The following CSPG4 variants were observed in gnomAD, a reference collection of about 807,000 sequenced individuals.
CSPG4 encodes chondroitin sulfate proteoglycan 4 (melanoma-associated).
Under a neutral mutation model 139.3 loss-of-function variants are expected in CSPG4, and 74 were observed. That is an observed-to-expected ratio of 0.53 (90% CI 0.44 to 0.64). CSPG4 has a LOEUF of 0.64. Among genes scored for constraint, CSPG4 ranks in the 30% least tolerant of loss-of-function variants. CSPG4 has a pLI of 0.00. For synonymous variants in CSPG4, 1,234 were observed against 1,394.2 expected (o/e 0.89, Z 2.56); for missense variants, 2,565 against 3,148.3 (o/e 0.81, Z 4.43).
chr15:75,676,203 C>T lies in CSPG4; in HGVS notation c.6316G>A (p.Gly2106Ser). ...RVPRARTEPG[G>S]SQLVEQFTQQ... ...GTGAACTGCTCCACCAGCTGGCTGC[C>T]CCCGGGCTCCGTCCTGGCTCGGGGC... is the stretch of plus-strand genomic sequence containing the variant. Residue 2106 changes from glycine to serine, a missense_variant, in exon 10 of 10, where the codon GGC becomes AGC. Transcript: ENST00000308508. The T allele has an allele frequency of 1.3e-6, 2 of 1,550,992 alleles. No individual in the cohort carries two copies. Among genetic ancestry groups the T allele is most frequent in the East Asian group, 4.8e-5 (2 of 41,730 alleles).
In CSPG4 at chr15:75,690,265, C is replaced by T. The variant is rs144018509; in HGVS notation, c.800G>A (p.Gly267Asp). The T allele has an allele frequency of 2.8e-5, 45 of 1,613,256 alleles. No homozygotes were observed. The African/African-American group carries it at 5.7e-4, about 21-fold the overall frequency. Residue 267 changes from glycine (G) to aspartate (D), a missense_variant, in exon 3 of 10, where the codon GGC (glycine) becomes GAC (aspartate). This residue lies in a region of CSPG4 where 2,316 missense variants were observed against 2,818.2 expected (regional missense o/e 0.82). Transcript: ENST00000308508. ...EGHLRAVVEK[G>D]QGTVLLHNSV... Reference sequence around the variant, plus strand: ...GTTGTGGAGCAATACGGTACCCTGGCCCTTCTCCACCACGGCCCGCAGGTG... The same window carrying T: ...GTTGTGGAGCAATACGGTACCCTGGTCCTTCTCCACCACGGCCCGCAGGTG...
At chr15:75,712,609 C>T (rs1894460662) in intron 1 of CSPG4, 59 bp downstream of exon 1, 4 of 1,492,346 alleles carry the variant, frequency 2.7e-6, no homozygotes, top group African/African-American at 1.4e-5. Flanking sequence ...CCTTTTCCCT[C>T]CCGGAGGAAC....
In CSPG4 at chr15:75,693,240, G is replaced by T. The variant is rs1479656180; in HGVS notation, c.89-7C>A. ...TTCTCACCGAAGAAGGAAGCTGTGTGAGAGAGGGAGCTGTGGTCAAGGCTC... is the reference window on the plus strand; with the variant it reads ...TTCTCACCGAAGAAGGAAGCTGTGTTAGAGAGGGAGCTGTGGTCAAGGCTC... On this transcript the variant is annotated splice_polypyrimidine_tract_variant and splice_region_variant and intron_variant, in intron 1 of 9. Transcript: ENST00000308508. The T allele has an allele frequency of 1.3e-6, 2 of 1,582,592 alleles. No individual in the cohort carries two copies. The highest frequency in any genetic ancestry group is 1.7e-6 in the Non-Finnish European group (2 of 1,164,134).
Position 75,696,894 on chromosome 15 carries a change from G to C in CSPG4, c.89-3661C>G, listed in dbSNP as rs1249672463. ...TCCCCAGCAAGCCCCCTCTGTCAGGGCAAGGGCTGCGCTGGCATCTCCGGG... is the reference window on the plus strand; with the variant it reads ...TCCCCAGCAAGCCCCCTCTGTCAGGCCAAGGGCTGCGCTGGCATCTCCGGG... On this transcript the variant is annotated intron_variant, in intron 1 of 9. Transcript: ENST00000308508. This position sits in a 1 kb window ranked among gnomAD's most constrained non-coding sequence, Gnocchi z 4.2. Among the ~76,000 whole-genome samples, 1 of 152,210 alleles carries C rather than the reference G, an allele frequency of 6.6e-6. No individual in the cohort carries two copies. Among genetic ancestry groups the C allele is most frequent in the African/African-American group, 2.4e-5 (1 of 41,460 alleles).
chr15:75,679,986 A>G (rs1893951000), intron 8 of CSPG4: 2 of 152,228 alleles, frequency 1.3e-5, no homozygotes, highest in Non-Finnish European at 2.9e-5. Flanking sequence ...GCCCGGCCTT[A>G]TTTTCCCCTT....
chr15:75,688,965 C>T lies in CSPG4; in HGVS notation c.2100G>A (p.Leu700=). The change falls in exon 3 of 10, where the codon CTG becomes CTA. Residue 700 remains leucine, a synonymous_variant. Coordinates refer to ENST00000308508, the MANE Select transcript of CSPG4 (RefSeq NM_001897.5). Reference sequence around the variant, plus strand: ...ACTGCAGGGCCCCAGTGACGCGGAACAGCACGCTCACATCCTGCCCCACGG... The same window carrying T: ...ACTGCAGGGCCCCAGTGACGCGGAATAGCACGCTCACATCCTGCCCCACGG... ...TNAVGQDVSV[L]FRVTGALQFG... 6.2e-7 allele frequency: 1 copy of T among 1,612,570 alleles called. No individual in the cohort carries two copies. The highest frequency in any genetic ancestry group is 8.5e-7 in the Non-Finnish European group (1 of 1,180,028).
chr15:75,692,050 C>T lies in CSPG4; in HGVS notation c.252+1020G>A, dbSNP rs1479077192. Among the ~76,000 whole-genome samples the T allele has an allele frequency of 7.9e-5, 12 of 152,168 alleles. No homozygotes were observed. In the East Asian group the frequency reaches 9.6e-4, roughly 12 times the overall value. ...AGGCTGAAGTGCAATGGTGCGGTCT[C>T]GGCTCACTGCAACCTCCTTCTCCTG... On this transcript the variant is annotated intron_variant, in intron 2 of 9. Coordinates refer to ENST00000308508, the MANE Select transcript of CSPG4 (RefSeq NM_001897.5).
At chr15:75,678,899 G>T (rs1457247822) in intron 8 of CSPG4, 1 of 405,622 alleles carries the variant, frequency 2.5e-6, no homozygotes, top group South Asian at 1.8e-5. Context: ...CACTGGTGCC[G>T]CCAAGCAACC....
intron 1 of CSPG4, among the ~76,000 whole-genome samples, chr15:75,694,681 T>G (rs1894204574): frequency 6.6e-6 from 1 of 152,224 alleles, no homozygotes; most frequent in African/African-American, 2.4e-5. Flanking sequence ...TGGGCTGAGT[T>G]AAATCCCCTC....
chr15:75,684,795 C>T lies in CSPG4; in HGVS notation c.4390G>A (p.Val1464Ile), dbSNP rs1354023581. Residue 1464 changes from valine to isoleucine, a missense_variant, in exon 5 of 10, where the codon GTC (valine) becomes ATC (isoleucine). Around this residue, in one of 5 missense-constraint regions of CSPG4, gnomAD observed 2,316 missense variants for 2,818.2 expected, o/e 0.82. Coordinates refer to ENST00000308508, the MANE Select transcript of CSPG4 (RefSeq NM_001897.5). Reference sequence around the variant, plus strand: ...TGGTCATTGACAGGCAGGACAGTGACAGTGAAGGCCACAGGATGGCTCTGG... The same window carrying T: ...TGGTCATTGACAGGCAGGACAGTGATAGTGAAGGCCACAGGATGGCTCTGG... ...DRQSHPVAFT[V>I]TVLPVNDQPP... 1 of 1,613,684 alleles carries T rather than the reference C, an allele frequency of 6.2e-7. No homozygotes were observed. The highest frequency in any genetic ancestry group is 8.5e-7 in the Non-Finnish European group (1 of 1,179,894).
Sources: allele counts gnomAD v4.1 joint callset (sites outside exome capture counted in the v4.1 genomes callset), GRCh38; gene constraint gnomAD v4.1.1; regional missense constraint gnomAD v4.1.1; non-coding constraint Gnocchi (gnomAD v3.1); transcripts MANE v1.5; gene names NCBI Gene and HGNC (gene_info 2026-07-23, HGNC 2026-07-21).